Variants in NBAS observed in about 807,000 individuals in gnomAD.
NBAS encodes NBAS subunit of NRZ tethering complex.
Under a neutral mutation model 302.5 loss-of-function variants are expected in NBAS, and 219 were observed. The ratio of observed to expected loss-of-function variants is 0.72; its 90% CI spans 0.65 to 0.81. NBAS has a LOEUF of 0.81. Ranked by LOEUF, NBAS falls within the 30% of genes least tolerant of loss-of-function variation. The probability of loss-of-function intolerance (pLI) is 0.00; values close to 1 mark genes in which losing one functional copy is unlikely to be tolerated. For missense variants in NBAS, 2,932 were observed against 2,841.6 expected, an observed-to-expected ratio of 1.03 and a Z score of -0.72; for synonymous variants, 1,118 against 1,021.6, an observed-to-expected ratio of 1.09 and a Z score of -1.80.
In NBAS at chr2:15,268,741, T is replaced by C. The variant is rs548266546; in HGVS notation, c.5724+6743A>G. On this transcript the variant is annotated intron_variant, in intron 44 of 51. Coordinates refer to ENST00000281513, the MANE Select transcript of NBAS (RefSeq NM_015909.4). ...GGACAAAAATAGCAGAAAACTGACA[T>C]GGAAAACAAAGCCACAGTCTCCAGG... 2.0e-5 allele frequency among the ~76,000 whole-genome samples: 3 copies of C among 152,270 alleles called. No individual in the cohort carries two copies. In the East Asian group the frequency reaches 5.8e-4, roughly 29 times the overall value.
In NBAS at chr2:15,459,274, C is replaced by T. The variant is rs771030828; in HGVS notation, c.2339+1927G>A. Among the ~76,000 whole-genome samples, 6 of 152,190 alleles carry T rather than the reference C, an allele frequency of 3.9e-5. No individual in the cohort carries two copies. In the South Asian group the frequency reaches 6.2e-4, roughly 16 times the overall value. On this transcript the variant is annotated intron_variant, in intron 21 of 51. Transcript: ENST00000281513. ...AAGGAGAAACTGCCTTTAAAAAAAC[C>T]GTTAAGAGACAGTAGCCCTTTTCTC...
At chr2:14,818,135 A>G in the NBAS span, among the ~76,000 whole-genome samples, 8 of 152,022 alleles carry the variant, frequency 5.3e-5, no homozygotes, top group Admixed American at 4.6e-4. Flanking sequence ...GAGTATCTCA[A>G]ATCTCACTCA....
chr2:15,538,403 T>C lies in NBAS; in HGVS notation c.513+820A>G, dbSNP rs1353127764. The C allele has an allele frequency of 1.4e-5, 6 of 420,392 alleles. 1 individual carries two copies. The highest frequency in any genetic ancestry group is 9.9e-5 in the Admixed American group (4 of 40,472). 26.0% of individuals were successfully genotyped at this position (420,392 alleles called of 1,614,324 possible). ...AAAAAAAAATCATTATCTATATCAT[T>C]GGTTTTCAACCCTAGCTTCTCACTA... On this transcript the variant is annotated intron_variant, in intron 7 of 51. Coordinates refer to ENST00000281513, the MANE Select transcript of NBAS (RefSeq NM_015909.4).
the NBAS span, among the ~76,000 whole-genome samples, chr2:15,143,817 T>C: frequency 6.6e-6 from 1 of 151,964 alleles, no homozygotes. Context: ...GCTGCCAGCA[T>C]GGCTAGAATA....
the NBAS span, among the ~76,000 whole-genome samples, chr2:14,888,518 T>C: frequency 6.6e-6 from 1 of 152,130 alleles, no homozygotes; most frequent in African/African-American, 2.4e-5. Flanking sequence ...GATTTCTCTA[T>C]ATCCATCAAA....
intron 10 of NBAS, among the ~76,000 whole-genome samples, chr2:15,507,062 G>A (rs1661891686): frequency 6.6e-6 from 1 of 152,186 alleles, no homozygotes; most frequent in African/African-American, 2.4e-5. Flanking sequence ...AGGGCAAAGT[G>A]GAGTCTGAAG....
intron 1 of NBAS, among the ~76,000 whole-genome samples, chr2:15,558,947 T>TAGTCC (rs944087469): frequency 1.2e-3 from 179 of 149,580 alleles, no homozygotes; most frequent in African/African-American, 4.3e-3. Context: ...TGCATGCCTA[T>TAGTCC]AGTCCCAGCT....
the NBAS span, among the ~76,000 whole-genome samples, chr2:15,112,500 G>A: frequency 0.012 from 1,851 of 152,130 alleles, 39 homozygotes; most frequent in African/African-American, 0.042. Flanking sequence ...ACTAAAAATT[G>A]CAATTCAAGA....
At chr2:15,031,012 G>A in the NBAS span, among the ~76,000 whole-genome samples, 15 of 152,184 alleles carry the variant, frequency 9.9e-5, no homozygotes, top group Non-Finnish European at 1.9e-4. Context: ...CAGAACCCTA[G>A]TTGTGAATCA....
At chr2:15,328,659 T>G (rs1028412150) in intron 36 of NBAS, among the ~76,000 whole-genome samples, 3 of 152,192 alleles carry the variant, frequency 2.0e-5, no homozygotes, top group Admixed American at 2.0e-4. Flanking sequence ...GAATAACCAC[T>G]CGAAAACGTC....
At chr2:15,278,343 G>A (rs1288886164) in intron 42 of NBAS, among the ~76,000 whole-genome samples, 2 of 152,086 alleles carry the variant, frequency 1.3e-5, no homozygotes, top group East Asian at 3.8e-4. Flanking sequence ...CTATAAATAT[G>A]TCCCCAGTCT....
the NBAS span, among the ~76,000 whole-genome samples, chr2:15,105,711 T>C: frequency 6.6e-6 from 1 of 152,104 alleles, no homozygotes; most frequent in African/African-American, 2.4e-5. Context: ...AGAGATTAAT[T>C]AGGCACAACC....
chr2:14,873,457 TC>T, the NBAS span, among the ~76,000 whole-genome samples: 1 of 152,188 alleles, frequency 6.6e-6, no homozygotes, highest in African/African-American at 2.4e-5. Flanking sequence ...CCTCAGGTGA[TC>T]CACACGCCTT....
chr2:15,098,094 A>AATATATATATAATATTGTATACAAT, the NBAS span, among the ~76,000 whole-genome samples: 7 of 22,946 alleles, frequency 3.1e-4, 3 homozygotes, highest in African/African-American at 2.7e-3. Flanking sequence ...TATTGTATAC[A>AATATATATATAATATTGTATACAAT]ATATATATTA....
rs1677784974 is a variant in NBAS at position 15,431,919 on chromosome 2, C to T, written c.2340-4125G>A. 2.6e-5 allele frequency among the ~76,000 whole-genome samples: 4 copies of T among 152,000 alleles called. No homozygotes were observed. In the South Asian group the frequency reaches 8.3e-4, roughly 32 times the overall value. ...TACAAATTAATTGATTGGTTCTGTT[C>T]TTACCTTTTAAAAACTGCCCAAATT... On this transcript the variant is annotated intron_variant, in intron 21 of 51. Transcript: ENST00000281513.
chr2:15,187,552 A>G (rs1665147935), intron 49 of NBAS, among the ~76,000 whole-genome samples: 1 of 152,128 alleles, frequency 6.6e-6, no homozygotes, highest in Admixed American at 6.5e-5. Flanking sequence ...TGTATTGGAA[A>G]CATAAAAGCA....
the NBAS span, among the ~76,000 whole-genome samples, chr2:15,161,373 C>A: frequency 1.3e-5 from 2 of 152,060 alleles, no homozygotes; most frequent in African/African-American, 4.8e-5. Context: ...TGTAAAAAAA[C>A]GAGCTAAAAT....
At chr2:15,328,614 T>C (rs983470599) in intron 36 of NBAS, among the ~76,000 whole-genome samples, 3 of 152,174 alleles carry the variant, frequency 2.0e-5, no homozygotes, top group African/African-American at 7.2e-5. Flanking sequence ...AAGCAATCGA[T>C]GTTGTTCATA....
intron 44 of NBAS, among the ~76,000 whole-genome samples, chr2:15,274,135 CT>C (rs1669460698): frequency 6.6e-6 from 1 of 152,016 alleles, no homozygotes; most frequent in Non-Finnish European, 1.5e-5. Flanking sequence ...ATGATTACTC[CT>C]TTTTATAGCA....
Sources: allele counts gnomAD v4.1 joint callset (sites outside exome capture counted in the v4.1 genomes callset), GRCh38; gene constraint gnomAD v4.1.1; transcripts MANE v1.5; gene names NCBI Gene and HGNC (gene_info 2026-07-23, HGNC 2026-07-21).